FAM169A: variants seen among roughly 807,000 people sequenced by gnomAD.
The protein encoded by FAM169A is soluble lamin-associated protein of 75 kDa.
In FAM169A, 24 loss-of-function variants were observed where a neutral mutation model predicts 75.7. The ratio of observed to expected loss-of-function variants is 0.32; its 90% CI spans 0.23 to 0.45. FAM169A has a LOEUF of 0.45. Among genes scored for constraint, FAM169A ranks in the 20% least tolerant of loss-of-function variants. The probability of loss-of-function intolerance (pLI) is 1.00; values close to 1 mark genes in which losing one functional copy is unlikely to be tolerated. For missense variants in FAM169A, 673 were observed against 784.0 expected, an observed-to-expected ratio of 0.86 and a Z score of 1.69; for synonymous variants, 271 against 271.0, an observed-to-expected ratio of 1.00 and a Z score of 0.00.
chr5:74,852,170 T>A (rs1177742633), intron 1 of FAM169A, among the ~76,000 whole-genome samples: 5 of 152,332 alleles, frequency 3.3e-5, no homozygotes, highest in Middle Eastern at 3.4e-3. Context: ...AACTCCCTAG[T>A]ATTTTCACTA....
At chr5:74,850,313 T>A (rs1749377138) in intron 1 of FAM169A, among the ~76,000 whole-genome samples, 1 of 152,194 alleles carries the variant, frequency 6.6e-6, no homozygotes, top group Non-Finnish European at 1.5e-5. Context: ...AAGCACAGCA[T>A]CTCAGGCAGC....
At chr5:74,861,712 T>A (rs995385444) in intron 1 of FAM169A, among the ~76,000 whole-genome samples, 1 of 152,042 alleles carries the variant, frequency 6.6e-6, no homozygotes, top group Non-Finnish European at 1.5e-5. Context: ...CTTCTTCCTC[T>A]CCTCACATTG....
intron 1 of FAM169A, among the ~76,000 whole-genome samples, chr5:74,845,256 C>G (rs984751379): frequency 6.6e-6 from 1 of 152,084 alleles, no homozygotes; most frequent in African/African-American, 2.4e-5. Flanking sequence ...CGGTGGTTCA[C>G]GCCTGTAATC....
At position 74,778,965 on chromosome 5, in the gene FAM169A, G is replaced by C. The variant is rs1422026313; in HGVS notation, c.*2495C>G. ...AGGTTCCTTATTGAAGATAAATTGT[G>C]GTATAAATTCTATACTCAAGTTACT... On this transcript the variant is annotated 3_prime_UTR_variant, in exon 13 of 13. Coordinates refer to ENST00000687041, the MANE Select transcript of FAM169A (RefSeq NM_001376049.1). The C allele has an allele frequency of 6.6e-6, 1 of 151,946 alleles. No individual in the cohort carries two copies. The highest frequency in any genetic ancestry group is 1.5e-5 in the Non-Finnish European group (1 of 67,920). 9.4% of individuals were successfully genotyped at this position (151,946 alleles called of 1,614,324 possible). A position where few individuals can be genotyped will look rare whatever the true frequency, so the allele number is the denominator to read the frequency against.
chr5:74,808,060 G>C (rs774978834), intron 6 of FAM169A, among the ~76,000 whole-genome samples: 4 of 152,108 alleles, frequency 2.6e-5, no homozygotes, highest in South Asian at 2.1e-4. Flanking sequence ...AAAACAGTTT[G>C]ACAGTTCCTC....
Position 74,801,024 on chromosome 5 carries a change from T to C in FAM169A, c.959A>G (p.Asp320Gly). The C allele has an allele frequency of 6.5e-7, 1 of 1,548,068 alleles. No individual in the cohort carries two copies. Among genetic ancestry groups the C allele is most frequent in the South Asian group, 1.2e-5 (1 of 80,152 alleles). ...DAFASTSEGH[D>G]KTSVSTHTRS... Reference sequence around the variant, plus strand: ...AGTATGAGTGGAAACAGATGTTTTATCATGACCTGAGGAGAAAAACAGCAA... The same window carrying C: ...AGTATGAGTGGAAACAGATGTTTTACCATGACCTGAGGAGAAAAACAGCAA... The change falls in exon 10 of 13, where the codon GAT becomes GGT. Residue 320 changes from aspartate (D) to glycine (G), a missense_variant. By Grantham distance (94) the Asp-to-Gly change is moderately conservative. Transcript: ENST00000687041.
At chr5:74,842,421 A>C (rs13159514) in intron 1 of FAM169A, among the ~76,000 whole-genome samples, 10 of 31,522 alleles carry the variant, frequency 3.2e-4, no homozygotes, top group Admixed American at 2.7e-3. Context: ...ACTCTATCAC[A>C]AAAAAAAAAA....
chr5:74,782,817 T>C, intron 12 of FAM169A, 114 bp downstream of exon 12: 1 of 638,046 alleles, frequency 1.6e-6, no homozygotes, highest in South Asian at 2.4e-5. Context: ...AAGTTAATCT[T>C]CCTAAAGCAC....
At chr5:74,838,021 G>C (rs995956395) in intron 4 of FAM169A, among the ~76,000 whole-genome samples, 1 of 150,848 alleles carries the variant, frequency 6.6e-6, no homozygotes, top group Non-Finnish European at 1.5e-5. Context: ...GGAGACAGAG[G>C]CAGGAGAATC....
At chr5:74,792,032 T>C (rs1456784545) in intron 11 of FAM169A, among the ~76,000 whole-genome samples, 3 of 152,238 alleles carry the variant, frequency 2.0e-5, no homozygotes, top group African/African-American at 7.2e-5. Context: ...ATTGACATCA[T>C]ATCAGCATTA....
intron 10 of FAM169A, chr5:74,799,568 G>A: frequency 6.7e-7 from 1 of 1,499,864 alleles, no homozygotes; most frequent in Non-Finnish European, 9.3e-7. Flanking sequence ...ATGCTTTTTG[G>A]GCAGCTGATG....
intron 11 of FAM169A, among the ~76,000 whole-genome samples, chr5:74,788,183 G>A (rs1023684886): frequency 6.6e-6 from 1 of 152,198 alleles, no homozygotes; most frequent in African/African-American, 2.4e-5. Context: ...AGGGGCTTAT[G>A]AAGATCAGGT....
intron 4 of FAM169A, among the ~76,000 whole-genome samples, chr5:74,836,957 A>G (rs1021166472): frequency 2.3e-4 from 35 of 151,782 alleles, no homozygotes; most frequent in African/African-American, 4.8e-4. Flanking sequence ...AAAAAAAAAA[A>G]AGAGAGGGAA....
chr5:74,854,371 G>T (rs1561326778), intron 1 of FAM169A, among the ~76,000 whole-genome samples: 2 of 151,366 alleles, frequency 1.3e-5, no homozygotes. Flanking sequence ...CTCCAGCCTG[G>T]GTGACACAGC....
chr5:74,817,855 G>C (rs937401459), intron 5 of FAM169A, among the ~76,000 whole-genome samples: 1 of 152,022 alleles, frequency 6.6e-6, no homozygotes, highest in Non-Finnish European at 1.5e-5. Flanking sequence ...ATAAACTTTC[G>C]TATTTATGGT....
Position 74,800,937 on chromosome 5 carries a change from C to T in FAM169A, c.1046G>A (p.Ser349Asn). The change falls in exon 10 of 13, where the codon AGT becomes AAT. Residue 349 changes from serine (S) to asparagine (N), a missense_variant. Coordinates refer to ENST00000687041, the MANE Select transcript of FAM169A (RefSeq NM_001376049.1). ...GGTCTTTTCATCTTCACCTTGAGAACTGCTAAATTCAGAATCCTGAAACCG... is the reference window on the plus strand; with the variant it reads ...GGTCTTTTCATCTTCACCTTGAGAATTGCTAAATTCAGAATCCTGAAACCG... ...GKRFQDSEFS[S>N]SQGEDEKTSQ... The T allele has an allele frequency of 6.4e-7, 1 of 1,557,502 alleles. No individual in the cohort carries two copies. Among genetic ancestry groups the T allele is most frequent in the Non-Finnish European group, 8.7e-7 (1 of 1,150,896 alleles).
At chr5:74,844,229 G>C (rs1177967026) in intron 1 of FAM169A, among the ~76,000 whole-genome samples, 1 of 152,202 alleles carries the variant, frequency 6.6e-6, no homozygotes, top group Middle Eastern at 3.4e-3. Flanking sequence ...GGCCAAGGAG[G>C]GTAGATGTAG....
At chr5:74,794,324 G>A (rs1466755439) in intron 11 of FAM169A, among the ~76,000 whole-genome samples, 8 of 151,088 alleles carry the variant, frequency 5.3e-5, no homozygotes, top group Admixed American at 2.0e-4. Context: ...AACCCAGGAG[G>A]CGGAGCTTGC....
chr5:74,799,647 C>T, intron 10 of FAM169A: 1 of 1,366,114 alleles, frequency 7.3e-7, no homozygotes, highest in Non-Finnish European at 1.0e-6. Flanking sequence ...GTGGGAGCCA[C>T]CTGGCCTGGG....
Sources: gnomAD v4.1 joint callset for allele counts (sites outside exome capture counted in the v4.1 genomes callset) on GRCh38, gnomAD v4.1.1 for gene constraint, MANE v1.5 for transcripts, NCBI Gene and HGNC (gene_info 2026-07-23, HGNC 2026-07-21) for gene names.